Variants in COBLL1 observed in about 807,000 individuals in gnomAD.
COBLL1 encodes cordon-bleu protein-like 1.
A neutral mutation model predicts 94.8 loss-of-function variants in COBLL1; 50 were observed. That is an observed-to-expected ratio of 0.53 (90% CI 0.42 to 0.67). COBLL1 has a LOEUF of 0.67. Among genes scored for constraint, COBLL1 ranks in the 30% least tolerant of loss-of-function variants. COBLL1 has a pLI of 0.00. For synonymous variants in COBLL1, 448 were observed against 473.8 expected, an observed-to-expected ratio of 0.95 and a Z score of 0.71; for missense variants, 1,362 against 1,348.7, an observed-to-expected ratio of 1.01 and a Z score of -0.15.
chr2:164,752,932 A>G (rs1238995417), intron 2 of COBLL1, among the ~76,000 whole-genome samples: 1 of 152,224 alleles, frequency 6.6e-6, no homozygotes, highest in Non-Finnish European at 1.5e-5. Flanking sequence ...GACATAAAAT[A>G]TTTATGCACA....
At chr2:164,836,777 G>A (rs2105393852) in intron 2 of COBLL1, among the ~76,000 whole-genome samples, 1 of 152,296 alleles carries the variant, frequency 6.6e-6, no homozygotes, top group South Asian at 2.1e-4. Flanking sequence ...CTCCATGTCA[G>A]CTATTGATAT....
intron 5 of COBLL1, chr2:164,724,343 T>C (rs948519252): frequency 6.6e-6 from 1 of 152,126 alleles, no homozygotes; most frequent in African/African-American, 2.4e-5. Context: ...CGCCAAAATC[T>C]GATCAAGCCT....
chr2:164,792,393 T>A (rs1285469543), intron 2 of COBLL1, among the ~76,000 whole-genome samples: 1 of 152,106 alleles, frequency 6.6e-6, no homozygotes, highest in African/African-American at 2.4e-5. Context: ...CCTTCCAAAG[T>A]GCTGGGATTA....
chr2:164,737,808 T>C (rs777181801), intron 3 of COBLL1, among the ~76,000 whole-genome samples: 7 of 152,154 alleles, frequency 4.6e-5, no homozygotes, highest in Non-Finnish European at 7.3e-5. Flanking sequence ...CTGTAATCCA[T>C]GTAAAATGCT....
At chr2:164,725,101 G>GATATATATATAT (rs760164549) in intron 5 of COBLL1, 20 of 76,296 alleles carry the variant, frequency 2.6e-4, no homozygotes, top group South Asian at 1.1e-3. Flanking sequence ...TACCCTGCAG[G>GATATATATATAT]ATATATATAT....
At chr2:164,838,151 G>A (rs576215584) in intron 2 of COBLL1, among the ~76,000 whole-genome samples, 14 of 152,202 alleles carry the variant, frequency 9.2e-5, no homozygotes, top group African/African-American at 3.1e-4. Flanking sequence ...CAGACCCTAC[G>A]GCAGCCACTA....
At chr2:164,687,600 T>A in intron 13 of COBLL1, 1 of 1,145,710 alleles carries the variant, frequency 8.7e-7, no homozygotes, top group East Asian at 2.4e-5. Context: ...GAAGCCTACA[T>A]TGGGGTAATG....
At chr2:164,711,603 G>T (rs1684904089) in intron 7 of COBLL1, among the ~76,000 whole-genome samples, 1 of 151,910 alleles carries the variant, frequency 6.6e-6, no homozygotes, top group South Asian at 2.1e-4. Flanking sequence ...CTACTTTGTT[G>T]AATCAGTGAT....
chr2:164,817,090 G>C lies in COBLL1; in HGVS notation c.41+24066C>G, dbSNP rs575180275. Reference sequence around the variant, plus strand: ...ATGCAAATATCCATAGGCTCAGTGGGGAACACTGTAGAATCTGGAACATGA... The same window carrying C: ...ATGCAAATATCCATAGGCTCAGTGGCGAACACTGTAGAATCTGGAACATGA... On this transcript the variant is annotated intron_variant, in intron 2 of 13. Coordinates refer to ENST00000652658, the MANE Select transcript of COBLL1 (RefSeq NM_001365672.2). 2.0e-5 allele frequency among the ~76,000 whole-genome samples: 3 copies of C among 152,272 alleles called. No homozygotes were observed. In the South Asian group the frequency reaches 6.2e-4, roughly 32 times the overall value.
downstream of COBLL1, among the ~76,000 whole-genome samples, chr2:164,678,063 C>T (rs553615262): frequency 1.1e-4 from 17 of 152,214 alleles, no homozygotes; most frequent in African/African-American, 4.1e-4. Context: ...CACATTAACT[C>T]TTCTGTAAAA....
intron 2 of COBLL1, among the ~76,000 whole-genome samples, chr2:164,813,454 A>G (rs1378046505): frequency 6.6e-6 from 1 of 152,146 alleles, no homozygotes; most frequent in African/African-American, 2.4e-5. Flanking sequence ...AGATAGAAAC[A>G]GCATTATTTT....
chr2:164,687,301 G>C, intron 13 of COBLL1: 2 of 628,362 alleles, frequency 3.2e-6, no homozygotes, highest in Non-Finnish European at 5.8e-6. Context: ...TGCAGGGCCC[G>C]GCACTTGTCC....
Position 164,700,568 on chromosome 2 carries a change from G to C in COBLL1, c.1414C>G (p.Gln472Glu), listed in dbSNP as rs1302695566. The stretch of plus-strand genomic sequence containing the variant: ...TCTTGTTTTTCTTCCATGGAGTTTT[G>C]TGAGAACTCTCCACTACCATTGCCA... ...ALGNGSGEFSQNSMEEKQETK... is the reference protein window; with the variant it reads ...ALGNGSGEFSENSMEEKQETK... Residue 472 changes from glutamine to glutamate, a missense_variant, in exon 10 of 14, where the codon CAA becomes GAA. By Grantham distance (29) the Gln-to-Glu change is conservative. Transcript: ENST00000652658. 2.5e-6 allele frequency: 4 copies of C among 1,613,584 alleles called. No homozygotes were observed. The East Asian group carries it at 8.9e-5, about 36-fold the overall frequency.
At chr2:164,802,350 C>G (rs1683850254) in intron 2 of COBLL1, among the ~76,000 whole-genome samples, 1 of 152,184 alleles carries the variant, frequency 6.6e-6, no homozygotes, top group African/African-American at 2.4e-5. Context: ...GTCCACAGAT[C>G]AAACCTGCAC....
intron 2 of COBLL1, among the ~76,000 whole-genome samples, chr2:164,763,589 T>C (rs1054804804): frequency 3.9e-5 from 6 of 152,194 alleles, no homozygotes; most frequent in African/African-American, 9.7e-5. Context: ...CCATGAAGTA[T>C]AGACTATATC....
chr2:164,674,364 T>G (rs1196915054), intron 1 of COBLL1, among the ~76,000 whole-genome samples: 1 of 152,054 alleles, frequency 6.6e-6, no homozygotes, highest in Non-Finnish European at 1.5e-5. Context: ...CAGCCAAAAT[T>G]TACTGTCTTA....
At chr2:164,701,163 T>A (rs991266111) in intron 9 of COBLL1, among the ~76,000 whole-genome samples, 1 of 152,188 alleles carries the variant, frequency 6.6e-6, no homozygotes, top group African/African-American at 2.4e-5. Context: ...TTGTATTGTC[T>A]ACAAGGGCAC....
chr2:164,678,761 A>C (rs1682908864), downstream of COBLL1, among the ~76,000 whole-genome samples: 1 of 152,204 alleles, frequency 6.6e-6, no homozygotes, highest in Non-Finnish European at 1.5e-5. Flanking sequence ...AAAAAGGGAC[A>C]ACTTACGTTT....
At chr2:164,714,478 T>C (rs907491368) in intron 7 of COBLL1, among the ~76,000 whole-genome samples, 1 of 151,314 alleles carries the variant, frequency 6.6e-6, no homozygotes, top group Non-Finnish European at 1.5e-5. Flanking sequence ...ATCACAGTGA[T>C]GAGGATAGAG....
Sources: allele counts gnomAD v4.1 joint callset (sites outside exome capture counted in the v4.1 genomes callset), GRCh38; gene constraint gnomAD v4.1.1; transcripts MANE v1.5; gene names NCBI Gene and HGNC (gene_info 2026-07-23, HGNC 2026-07-21).